MYO1E: variants seen among roughly 807,000 people sequenced by gnomAD.
The protein encoded by MYO1E is unconventional myosin-Ie.
MYO1E carries 68 observed loss-of-function variants against 151.1 expected under a neutral mutation model. The observed-to-expected ratio is 0.45, with a 90% CI of 0.37 to 0.55. The LOEUF (loss-of-function observed/expected upper bound fraction) is 0.55, where lower values mean the gene tolerates loss of function less well. MYO1E is among the 20% of genes least tolerant of loss of function. The pLI, the probability that MYO1E is intolerant of heterozygous loss-of-function variation, is 0.00. For missense variants in MYO1E, 1,363 were observed against 1,389.3 expected (o/e 0.98, Z 0.30); for synonymous variants, 601 against 501.7 (o/e 1.20, Z -2.64).
chr15:59,297,541 C>A (rs575797731), intron 1 of MYO1E, among the ~76,000 whole-genome samples: 1 of 150,774 alleles, frequency 6.6e-6, no homozygotes, highest in Non-Finnish European at 1.5e-5. Context: ...CCTCAGCCTC[C>A]CAAAGTGCTG....
intron 5 of MYO1E, among the ~76,000 whole-genome samples, 164 bp downstream of exon 5, chr15:59,236,409 CACACACACACAA>C (rs1158185645): frequency 1.6e-4 from 21 of 131,690 alleles, no homozygotes; most frequent in African/African-American, 4.1e-4. Context: ...CACACACACA[CACACACACACAA>C]ACACACATAC....
chr15:59,349,043 A>T (rs1469554860), intron 1 of MYO1E, among the ~76,000 whole-genome samples: 8 of 152,170 alleles, frequency 5.3e-5, no homozygotes, highest in African/African-American at 1.9e-4. Context: ...TGGAAGAGGA[A>T]GGTGACTATC....
intron 1 of MYO1E, among the ~76,000 whole-genome samples, chr15:59,311,493 G>A (rs1462569465): frequency 2.0e-5 from 3 of 152,104 alleles, no homozygotes; most frequent in African/African-American, 4.8e-5. Context: ...CCAGGGGTTG[G>A]GGACCCCTGC....
At chr15:59,143,156 C>T (rs763990047) in intron 26 of MYO1E, among the ~76,000 whole-genome samples, 4 of 152,146 alleles carry the variant, frequency 2.6e-5, no homozygotes, top group East Asian at 1.9e-4. Context: ...CGAAATTACC[C>T]GGGGAATTTG....
chr15:59,241,058 G>A (rs983026275), intron 4 of MYO1E, among the ~76,000 whole-genome samples: 9 of 152,166 alleles, frequency 5.9e-5, no homozygotes, highest in South Asian at 2.1e-4. Context: ...ATTACTAAAC[G>A]AAGTCACAAC....
At chr15:59,140,984 C>G (rs2079405455) in intron 26 of MYO1E, among the ~76,000 whole-genome samples, 1 of 152,192 alleles carries the variant, frequency 6.6e-6, no homozygotes, top group South Asian at 2.1e-4. Context: ...TGGAAATCCC[C>G]ATTCCCTGTT....
chr15:59,138,326 C>T lies in MYO1E; in HGVS notation c.3122G>A (p.Gly1041Asp). The part of the protein sequence containing the change: ...QTTSRPPPAG[G>D]RPKPQPKPKP... ...GGGCTTGGGCTGGGGCTTGGGTCTG[C>T]CCCCTGCTGGGGGAGGCCGACTGGT... The change falls in exon 27 of 28, where the codon GGC (glycine) becomes GAC (aspartate). Residue 1041 changes from glycine (G) to aspartate (D), a missense_variant. Transcript: ENST00000288235. 1 of 1,614,178 alleles carries T rather than the reference C, an allele frequency of 6.2e-7. No individual in the cohort carries two copies.
chr15:59,295,057 G>A (rs1479593527), intron 1 of MYO1E, among the ~76,000 whole-genome samples: 1 of 152,064 alleles, frequency 6.6e-6, no homozygotes, highest in African/African-American at 2.4e-5. Flanking sequence ...GTGACCTGAG[G>A]ATGGGGCATG....
At chr15:59,166,239 G>T (rs1348677985) in intron 22 of MYO1E, among the ~76,000 whole-genome samples, 1 of 152,108 alleles carries the variant, frequency 6.6e-6, no homozygotes, top group Non-Finnish European at 1.5e-5. Context: ...GCTCTCCTTA[G>T]CCCACGCTCC....
At chr15:59,277,078 T>TA (rs1424055506) in intron 1 of MYO1E, among the ~76,000 whole-genome samples, 1 of 152,170 alleles carries the variant, frequency 6.6e-6, no homozygotes, top group African/African-American at 2.4e-5. Context: ...GTGTGTTGTG[T>TA]AAATACAACA....
At chr15:59,148,282 G>T (rs1389842980) in intron 26 of MYO1E, among the ~76,000 whole-genome samples, 1 of 152,102 alleles carries the variant, frequency 6.6e-6, no homozygotes, top group East Asian at 1.9e-4. Flanking sequence ...AATGAACCAG[G>T]ACTCACCCTA....
Position 59,319,550 on chromosome 15 carries a change from C to CTTTTTTTTTTTTTTTTTTTTTTTTTT in MYO1E, c.4-47127_4-47102dup, listed in dbSNP as rs59491381. 2.4e-4 allele frequency among the ~76,000 whole-genome samples: 15 copies of CTTTTTTTTTTTTTTTTTTTTTTTTTT among 63,720 alleles called. 1 individual carries two copies. Among genetic ancestry groups the CTTTTTTTTTTTTTTTTTTTTTTTTTT allele is most frequent in the East Asian group, 1.5e-3 (3 of 2,012 alleles). 41.8% of individuals were successfully genotyped at this position (63,720 alleles called of 152,430 possible). A position where few individuals can be genotyped will look rare whatever the true frequency, so the allele number is the denominator to read the frequency against. On this transcript the variant is annotated intron_variant, in intron 1 of 27. Coordinates refer to ENST00000288235, the MANE Select transcript of MYO1E (RefSeq NM_004998.4). The stretch of plus-strand genomic sequence containing the variant: ...AAGATAGGAAAAGAAGTCAAACTAC[C>CTTTTTTTTTTTTTTTTTTTTTTTTTT]TTTTTTTTTTTTTTTTTTTTTTTTT...
At chr15:59,234,048 C>T (rs545193964) in intron 5 of MYO1E, among the ~76,000 whole-genome samples, 12 of 152,246 alleles carry the variant, frequency 7.9e-5, no homozygotes, top group Admixed American at 7.9e-4. Flanking sequence ...ACACATATGG[C>T]TTGCTTCATC....
intron 1 of MYO1E, among the ~76,000 whole-genome samples, chr15:59,282,181 T>C (rs2140389922): frequency 6.6e-6 from 1 of 152,292 alleles, no homozygotes; most frequent in Middle Eastern, 3.4e-3. Flanking sequence ...CTGTGGAAAA[T>C]CTCACATGGT....
chr15:59,176,773 C>A (rs1447706299), intron 19 of MYO1E, among the ~76,000 whole-genome samples: 1 of 152,074 alleles, frequency 6.6e-6, no homozygotes, highest in African/African-American at 2.4e-5. Flanking sequence ...TAAGAGTCAA[C>A]TTTTGTGAAA....
At chr15:59,263,856 CAA>C (rs1351884439) in intron 2 of MYO1E, among the ~76,000 whole-genome samples, 4 of 152,022 alleles carry the variant, frequency 2.6e-5, no homozygotes, top group Non-Finnish European at 4.4e-5. Flanking sequence ...TCCCAATTGC[CAA>C]AGTCAGATGA....
At chr15:59,283,281 T>C (rs1366093319) in intron 1 of MYO1E, among the ~76,000 whole-genome samples, 1 of 152,102 alleles carries the variant, frequency 6.6e-6, no homozygotes, top group Non-Finnish European at 1.5e-5. Flanking sequence ...CTGTGCTTTG[T>C]TTCTGTTTTT....
chr15:59,306,902 T>C (rs1224823090), intron 1 of MYO1E, among the ~76,000 whole-genome samples: 2 of 152,220 alleles, frequency 1.3e-5, no homozygotes, highest in Non-Finnish European at 2.9e-5. Context: ...GTTATTTTCC[T>C]GGTCTCCCTG....
chr15:59,216,666 G>GTATGTGTA (rs1555411938), intron 10 of MYO1E, among the ~76,000 whole-genome samples: 1 of 30,884 alleles, frequency 3.2e-5, no homozygotes, highest in Non-Finnish European at 7.0e-5. Context: ...GTGTGTATGT[G>GTATGTGTA]TATATATATA....
Sources: allele counts gnomAD v4.1 joint callset (sites outside exome capture counted in the v4.1 genomes callset), GRCh38; gene constraint gnomAD v4.1.1; transcripts MANE v1.5; gene names NCBI Gene and HGNC (gene_info 2026-07-23, HGNC 2026-07-21).